The following SRRT variants were observed in gnomAD, a reference collection of about 807,000 sequenced individuals.
The protein encoded by SRRT is serrate, RNA effector molecule, also known as serrate RNA effector molecule homolog.
SRRT carries 32 observed loss-of-function variants against 103.2 expected under a neutral mutation model. The ratio of observed to expected loss-of-function variants is 0.31; its 90% CI spans 0.23 to 0.42. SRRT has a LOEUF of 0.42. Ranked by LOEUF, SRRT falls within the 10% of genes least tolerant of loss-of-function variation. The pLI, the probability that SRRT is intolerant of heterozygous loss-of-function variation, is 1.00. For synonymous variants in SRRT, 525 were observed against 449.0 expected (o/e 1.17, Z -2.14); for missense variants, 986 against 1,207.5 (o/e 0.82, Z 2.72).
rs1301299445 is a variant in SRRT at position 100,885,186 on chromosome 7, C to T, written c.1160-27C>T. 3 of 1,608,888 alleles carry T rather than the reference C, an allele frequency of 1.9e-6. No individual in the cohort carries two copies. Among genetic ancestry groups the T allele is most frequent in the Non-Finnish European group, 1.7e-6 (2 of 1,177,018 alleles). Reference sequence around the variant, plus strand: ...ACAATCAGTAATAAAAATGCACCAACTCCTTCCTACCCCCCTTCCTGCCTA... The same window carrying T: ...ACAATCAGTAATAAAAATGCACCAATTCCTTCCTACCCCCCTTCCTGCCTA... On this transcript the variant is annotated intron_variant, in intron 9 of 19. Transcript: ENST00000611405. This position sits in a 1 kb window ranked among gnomAD's most constrained non-coding sequence, Gnocchi z 4.8.
intron 2 of SRRT, among the ~76,000 whole-genome samples, chr7:100,876,930 G>T (rs1328485676): frequency 1.3e-5 from 2 of 152,152 alleles, no homozygotes; most frequent in Non-Finnish European, 2.9e-5. Flanking sequence ...GACATAACGT[G>T]TGATTTTAGC....
chr7:100,876,418 C>G (rs1408635082), intron 2 of SRRT, among the ~76,000 whole-genome samples: 1 of 152,178 alleles, frequency 6.6e-6, no homozygotes, highest in Non-Finnish European at 1.5e-5. Flanking sequence ...TCCCAAAGTG[C>G]TGGGATTACA....
At chr7:100,880,600 CG>C in intron 2 of SRRT, 1 of 315,244 alleles carries the variant, frequency 3.2e-6, no homozygotes, top group Non-Finnish European at 6.6e-6. Context: ...CCACCGCACC[CG>C]GCTGAATAGG....
At chr7:100,879,334 A>G (rs544662532) in intron 2 of SRRT, among the ~76,000 whole-genome samples, 18 of 152,086 alleles carry the variant, frequency 1.2e-4, no homozygotes, top group Non-Finnish European at 2.1e-4. Context: ...TCCTGGGCTC[A>G]AGCAATCCAC....
chr7:100,886,100 G>A, intron 12 of SRRT, 147 bp from the exon 13 acceptor site: 1 of 1,250,178 alleles, frequency 8.0e-7, no homozygotes, highest in Admixed American at 2.2e-5. Flanking sequence ...TAGGGCGTTA[G>A]CATGGACGGA....
Position 100,885,508 on chromosome 7 carries a change from G to GAGGACT in SRRT, c.1317+141_1317+146dup. 4 of 1,119,068 alleles carry GAGGACT rather than the reference G, an allele frequency of 3.6e-6. No individual in the cohort carries two copies. The highest frequency in any genetic ancestry group is 5.1e-6 in the Non-Finnish European group (4 of 787,730). 69.3% of individuals were successfully genotyped at this position (1,119,068 alleles called of 1,614,324 possible). ...CCCTTCCCCAGGTTCCATGGCCTCC[G>GAGGACT]AGGACTAGTCCTGATAGCGCCATTG... On this transcript the variant is annotated intron_variant, in intron 10 of 19. Coordinates refer to ENST00000611405, the MANE Select transcript of SRRT (RefSeq NM_015908.6). This position sits in a 1 kb window ranked among gnomAD's most constrained non-coding sequence, Gnocchi z 4.8.
intron 2 of SRRT, among the ~76,000 whole-genome samples, chr7:100,880,127 G>A (rs1311875760): frequency 2.0e-5 from 3 of 152,228 alleles, no homozygotes; most frequent in African/African-American, 7.2e-5. Flanking sequence ...ATGGCAGAGA[G>A]TGGGACAGCT....
intron 2 of SRRT, among the ~76,000 whole-genome samples, chr7:100,880,121 CAG>C (rs1307906192): frequency 6.6e-6 from 1 of 152,126 alleles, no homozygotes. Context: ...GTGGGGATGG[CAG>C]AGAGTGGGAC....
chr7:100,888,003 TC>T, intron 17 of SRRT, 38 bp from the exon 18 acceptor site: 2 of 1,491,386 alleles, frequency 1.3e-6, no homozygotes, highest in Admixed American at 2.2e-5. Flanking sequence ...CGTATCCCCC[TC>T]CCCGCCCCCG....
chr7:100,881,586 C>T (rs1450847077), intron 3 of SRRT, 73 bp from the exon 4 acceptor site: 1 of 1,599,180 alleles, frequency 6.3e-7, no homozygotes, highest in Non-Finnish European at 8.5e-7. Context: ...GTGTGTACCC[C>T]CGTCTGTCCA....
chr7:100,888,513 G>C lies in SRRT; in HGVS notation c.2595G>C (p.Arg865=). Residue 865 remains arginine, a synonymous_variant, in exon 20 of 20, where the codon CGG becomes CGC. Coordinates refer to ENST00000611405, the MANE Select transcript of SRRT (RefSeq NM_015908.6). ...RGDPRAIVEY[R]DLDAPDDVDF... is the part of the protein sequence containing the mutation. ...ACCCAAGGGCCATTGTGGAATATCG[G>C]GACCTGGATGCCCCAGACGATGTTG... 1 of 1,614,160 alleles carries C rather than the reference G, an allele frequency of 6.2e-7. No homozygotes were observed. Among genetic ancestry groups the C allele is most frequent in the South Asian group, 1.1e-5 (1 of 91,082 alleles).
chr7:100,880,030 A>G (rs1816136130), intron 2 of SRRT, among the ~76,000 whole-genome samples: 1 of 152,240 alleles, frequency 6.6e-6, no homozygotes, highest in Non-Finnish European at 1.5e-5. Flanking sequence ...GTGGGGAGAC[A>G]GAAGCGAGAG....
Position 100,887,116 on chromosome 7 carries a change from C to G in SRRT, c.1891C>G (p.Pro631Ala). The change falls in exon 15 of 20, where the codon CCC becomes GCC. Residue 631 changes from proline (P) to alanine (A), a missense_variant. Pro to Ala is a conservative substitution (Grantham distance 27). Transcript: ENST00000611405. This position sits in a 1 kb window ranked among gnomAD's most constrained non-coding sequence, Gnocchi z 4.1. ...GGATTATTACAACACCTGTGAGTACCCCAACGAGGACGAGATGCCCAATCG... is the reference window on the plus strand; with the variant it reads ...GGATTATTACAACACCTGTGAGTACGCCAACGAGGACGAGATGCCCAATCG... ...SLDYYNTCEY[P>A]NEDEMPNRCG... 6.2e-7 allele frequency: 1 copy of G among 1,614,232 alleles called. No homozygotes were observed. The highest frequency in any genetic ancestry group is 8.5e-7 in the Non-Finnish European group (1 of 1,180,052).
intron 5 of SRRT, among the ~76,000 whole-genome samples, chr7:100,883,518 G>C (rs1486072593): frequency 6.6e-6 from 1 of 152,150 alleles, no homozygotes; most frequent in Admixed American, 6.5e-5. Context: ...TCTCCCTTCG[G>C]TCTTTCCTGT....
intron 2 of SRRT, among the ~76,000 whole-genome samples, chr7:100,881,074 C>T (rs1452452819): frequency 7.2e-6 from 1 of 139,742 alleles, no homozygotes; most frequent in Non-Finnish European, 1.5e-5. Flanking sequence ...TGTGGCATAT[C>T]CAGCTGTATC....
chr7:100,877,419 CAAAAA>C (rs869150232), intron 2 of SRRT, among the ~76,000 whole-genome samples: 4 of 69,076 alleles, frequency 5.8e-5, no homozygotes, highest in Middle Eastern at 0.014. Flanking sequence ...GACTCTGTCT[CAAAAA>C]AAAAAAAAAA....
chr7:100,887,188 A>C lies in SRRT; in HGVS notation c.1963A>C (p.Ser655Arg), dbSNP rs778655910. The change falls in exon 15 of 20, where the codon AGT becomes CGT. Residue 655 changes from serine to arginine, a missense_variant. Ser to Arg is a moderately radical substitution (Grantham distance 110, BLOSUM62 -1). Around this residue, in one of 6 missense-constraint regions of SRRT, gnomAD observed 349 missense variants for 446.9 expected, o/e 0.78. Coordinates refer to ENST00000611405, the MANE Select transcript of SRRT (RefSeq NM_015908.6). The surrounding 1 kb of genome is among the most constrained non-coding windows in gnomAD (Gnocchi z 4.1). The part of the protein sequence containing the change: ...VRGPMPPNRI[S>R]HGEVLEWQKT... ...GGGGCCCATGCCACCCAACCGCATC[A>C]GTCACGGGGAAGGTGAGCTCCAGGT... 13 of 1,614,076 alleles carry C rather than the reference A, an allele frequency of 8.1e-6. No individual in the cohort carries two copies. The highest frequency in any genetic ancestry group is 8.5e-7 in the Non-Finnish European group (1 of 1,180,034).
At chr7:100,876,040 T>C (rs1041766853) in intron 2 of SRRT, 14 of 287,222 alleles carry the variant, frequency 4.9e-5, no homozygotes, top group African/African-American at 2.2e-4. Flanking sequence ...CTGGAGTGCA[T>C]TGATGCAGTC....
intron 1 of SRRT, 38 bp from the exon 2 acceptor site, chr7:100,875,535 C>A (rs185998680): frequency 2.5e-6 from 4 of 1,607,704 alleles, no homozygotes; most frequent in Middle Eastern, 1.6e-4. Context: ...TCCGCTCGTC[C>A]TTTTGCACCA....
Sources: allele counts gnomAD v4.1 joint callset (sites outside exome capture counted in the v4.1 genomes callset), GRCh38; gene constraint gnomAD v4.1.1; regional missense constraint gnomAD v4.1.1; non-coding constraint Gnocchi (gnomAD v3.1); transcripts MANE v1.5; gene names NCBI Gene and HGNC (gene_info 2026-07-23, HGNC 2026-07-21).